Variants in TMEM161B observed in about 807,000 individuals in gnomAD.
TMEM161B encodes transmembrane protein 161B.
In TMEM161B, 34 loss-of-function variants were observed where a neutral mutation model predicts 61.8. That is an observed-to-expected ratio of 0.55 (90% CI 0.42 to 0.73). TMEM161B has a LOEUF of 0.73. Among genes scored for constraint, TMEM161B ranks in the 30% least tolerant of loss-of-function variants. The probability of loss-of-function intolerance (pLI) is 0.00; values close to 1 mark genes in which losing one functional copy is unlikely to be tolerated. For synonymous variants in TMEM161B, 167 were observed against 192.8 expected, an observed-to-expected ratio of 0.87 and a Z score of 1.11; for missense variants, 456 against 558.5, an observed-to-expected ratio of 0.82 and a Z score of 1.85.
chr5:88,226,824 A>G (rs1175280551), intron 3 of TMEM161B, among the ~76,000 whole-genome samples: 1 of 152,196 alleles, frequency 6.6e-6, no homozygotes, highest in South Asian at 2.1e-4. Flanking sequence ...AGGCATTATA[A>G]TAAGGATTCA....
intron 9 of TMEM161B, 22 bp from the exon 10 acceptor site, chr5:88,199,172 C>T (rs113702172): frequency 1.9e-5 from 30 of 1,582,164 alleles, no homozygotes; most frequent in African/African-American, 1.5e-4. Context: ...AAAGTTGATA[C>T]GGTGCTCTCA....
intron 2 of TMEM161B, among the ~76,000 whole-genome samples, chr5:88,230,927 A>G (rs1017925887): frequency 1.3e-4 from 20 of 152,200 alleles, no homozygotes; most frequent in African/African-American, 4.8e-4. Flanking sequence ...CAGGACTTTC[A>G]GGAACTTGAC....
chr5:88,220,734 A>G lies in TMEM161B; in HGVS notation c.290-15T>C. 2 of 1,505,870 alleles carry G rather than the reference A, an allele frequency of 1.3e-6. No homozygotes were observed. Among genetic ancestry groups the G allele is most frequent in the Non-Finnish European group, 8.8e-7 (1 of 1,132,054 alleles). The allele number at this position is 1,505,870 out of a possible 1,614,324, so 93.3% of individuals were successfully genotyped here. ...GTAATGCAATGCTGGAAAGAAAAAA[A>G]AAAAAAAAAAAAAAAAAGGTCAAAA... On this transcript the variant is annotated splice_polypyrimidine_tract_variant and intron_variant, in intron 4 of 11. Transcript: ENST00000296595.
intron 2 of TMEM161B, among the ~76,000 whole-genome samples, chr5:88,231,492 A>G (rs1750978170): frequency 6.6e-6 from 1 of 152,240 alleles, no homozygotes; most frequent in South Asian, 2.1e-4. Context: ...ATTCTTGGAG[A>G]AAAGATTTTA....
At position 88,205,927 on chromosome 5, in the gene TMEM161B, T is replaced by A; in HGVS notation, c.687A>T (p.Lys229Asn). The change falls in exon 8 of 12, where the codon AAA (lysine) becomes AAT (asparagine). Residue 229 changes from lysine to asparagine, a missense_variant. Lys to Asn is a moderately conservative substitution (Grantham distance 94, BLOSUM62 0). This residue lies in a region of TMEM161B where 367 missense variants were observed against 427.3 expected (regional missense o/e 0.86). Coordinates refer to ENST00000296595, the MANE Select transcript of TMEM161B (RefSeq NM_153354.5). Reference protein sequence around the residue: ...SQSPVSKLTFKFFLAIFCSFI... With the variant: ...SQSPVSKLTFNFFLAIFCSFI... The stretch of plus-strand genomic sequence containing the variant: ...ATGAACAGAAAATAGCCAGGAAAAA[T>A]TTGAAAGTAAGTTTTGAAACAGGAC... The A allele has an allele frequency of 1.9e-6, 3 of 1,610,502 alleles. No individual in the cohort carries two copies. Among genetic ancestry groups the A allele is most frequent in the Non-Finnish European group, 2.5e-6 (3 of 1,178,346 alleles).
chr5:88,187,351 C>G (rs148744901), downstream of TMEM161B, among the ~76,000 whole-genome samples: 1 of 152,138 alleles, frequency 6.6e-6, no homozygotes, highest in East Asian at 1.9e-4. Context: ...AGATAGAAAA[C>G]TTTTGTTTGA....
chr5:88,230,164 C>A (rs1352979105), intron 2 of TMEM161B, among the ~76,000 whole-genome samples: 2 of 151,850 alleles, frequency 1.3e-5, no homozygotes, highest in Non-Finnish European at 2.9e-5. Flanking sequence ...CCACTCTGGG[C>A]AACAAAGTAA....
chr5:88,242,228 C>T (rs1752864745), intron 1 of TMEM161B, among the ~76,000 whole-genome samples: 2 of 151,720 alleles, frequency 1.3e-5, no homozygotes, highest in Non-Finnish European at 1.5e-5. Flanking sequence ...CACACAGTAT[C>T]CATCTGATTT....
At chr5:88,241,899 C>T (rs931599005) in intron 1 of TMEM161B, among the ~76,000 whole-genome samples, 1 of 151,728 alleles carries the variant, frequency 6.6e-6, no homozygotes, top group African/African-American at 2.4e-5. Context: ...CACAAAGTCA[C>T]TTATATCTAC....
chr5:88,206,647 C>G (rs990566695), intron 6 of TMEM161B, 148 bp from the exon 7 acceptor site: 1 of 790,278 alleles, frequency 1.3e-6, no homozygotes, highest in African/African-American at 1.8e-5. Flanking sequence ...ATTAGTATGC[C>G]ATAATGCAAT....
chr5:88,213,572 C>A (rs1046052745), intron 5 of TMEM161B, among the ~76,000 whole-genome samples: 1 of 40,504 alleles, frequency 2.5e-5, no homozygotes, highest in African/African-American at 4.1e-5. Context: ...AGAAAACTAT[C>A]TTTTATTTTC....
At chr5:88,192,318 G>A (rs534668198), downstream of TMEM161B, among the ~76,000 whole-genome samples, 23 of 152,060 alleles carry the variant, frequency 1.5e-4, no homozygotes, top group Admixed American at 4.6e-4. Context: ...ATCATGAATA[G>A]TTCATAGCTA....
intron 1 of TMEM161B, among the ~76,000 whole-genome samples, chr5:88,257,184 G>A (rs910256297): frequency 6.6e-6 from 1 of 152,022 alleles, no homozygotes; most frequent in Admixed American, 6.6e-5. Context: ...CACGAGAATC[G>A]CAAGACTGGG....
In TMEM161B at chr5:88,266,941, C is replaced by T. The variant is rs562147380; in HGVS notation, c.3+1780G>A. Among the ~76,000 whole-genome samples the T allele has an allele frequency of 2.0e-5, 3 of 152,264 alleles. No homozygotes were observed. The East Asian group carries it at 5.8e-4, about 29-fold the overall frequency. ...AAAACAGCATAAGATTACATTAGTT[C>T]CAAACATTAACCATCTCTTTTGAAC... On this transcript the variant is annotated intron_variant, in intron 1 of 11. Coordinates refer to ENST00000296595, the MANE Select transcript of TMEM161B (RefSeq NM_153354.5).
At chr5:88,245,652 T>A (rs1445722053) in intron 1 of TMEM161B, among the ~76,000 whole-genome samples, 2 of 152,116 alleles carry the variant, frequency 1.3e-5, no homozygotes, top group South Asian at 2.1e-4. Context: ...CTACTAGTTA[T>A]AACTGTTAAA....
downstream of TMEM161B, chr5:88,190,251 C>A (rs1748658966): frequency 1.4e-6 from 1 of 700,684 alleles, no homozygotes; most frequent in Admixed American, 2.0e-5. Flanking sequence ...TGGACCTTGC[C>A]TTGCATTATG....
chr5:88,215,495 A>G (rs947912266), intron 5 of TMEM161B, among the ~76,000 whole-genome samples: 2 of 46,490 alleles, frequency 4.3e-5, no homozygotes, highest in African/African-American at 1.1e-4. Flanking sequence ...TACAGGTTTG[A>G]ACAAAAAAAA....
intron 2 of TMEM161B, among the ~76,000 whole-genome samples, chr5:88,239,827 CG>C (rs1458104327): frequency 6.6e-6 from 1 of 151,894 alleles, no homozygotes; most frequent in East Asian, 1.9e-4. Context: ...GAATGAAAAG[CG>C]TATTTGTCTT....
chr5:88,218,565 C>G (rs1259299139), intron 5 of TMEM161B, among the ~76,000 whole-genome samples: 1 of 152,148 alleles, frequency 6.6e-6, no homozygotes, highest in East Asian at 1.9e-4. Flanking sequence ...AGGCAGGAAC[C>G]TGGAGGCCAG....
Sources: allele counts gnomAD v4.1 joint callset (sites outside exome capture counted in the v4.1 genomes callset), GRCh38; gene constraint gnomAD v4.1.1; regional missense constraint gnomAD v4.1.1; transcripts MANE v1.5; gene names NCBI Gene and HGNC (gene_info 2026-07-23, HGNC 2026-07-21).